LOXL2: variants seen among roughly 807,000 people sequenced by gnomAD.
The protein encoded by LOXL2 is lysyl oxidase like 2.
LOXL2 carries 70 observed loss-of-function variants against 93.0 expected under a neutral mutation model. That is an observed-to-expected ratio of 0.75 (90% CI 0.62 to 0.92). LOXL2 has a LOEUF of 0.92. LOXL2 is among the 40% of genes least tolerant of loss of function. The probability of loss-of-function intolerance (pLI) is 0.00; values close to 1 mark genes in which losing one functional copy is unlikely to be tolerated. For synonymous variants in LOXL2, 438 were observed against 413.2 expected (o/e 1.06, Z -0.73); for missense variants, 973 against 1,054.9 (o/e 0.92, Z 1.08).
chr8:23,388,366 T>C (rs1177682137), intron 1 of LOXL2, among the ~76,000 whole-genome samples: 1 of 152,068 alleles, frequency 6.6e-6, no homozygotes, highest in African/African-American at 2.4e-5. Flanking sequence ...TTGCTTCAGC[T>C]CAGGGGTTTG....
intron 5 of LOXL2, chr8:23,328,820 G>T (rs547867538): frequency 2.2e-6 from 1 of 461,578 alleles, no homozygotes; most frequent in Non-Finnish European, 4.0e-6. Context: ...CAGCCCTCGC[G>T]TGGAGCTTCT....
At chr8:23,361,356 G>A (rs991193212) in intron 2 of LOXL2, among the ~76,000 whole-genome samples, 7 of 152,178 alleles carry the variant, frequency 4.6e-5, no homozygotes, top group Middle Eastern at 3.4e-3. Flanking sequence ...ATTTCCCATC[G>A]CTGGCTCAGA....
chr8:23,355,512 CTT>C lies in LOXL2; in HGVS notation c.531+4576_531+4577del, dbSNP rs58824822. ...CTATCTGTAAAGCAGTTGACATTCA[CTT>C]TTTTTTTTTTTTTTTTTTTTTTTTT... is the stretch of plus-strand genomic sequence containing the variant. On this transcript the variant is annotated intron_variant, in intron 3 of 13. Transcript: ENST00000389131. 6.7e-3 allele frequency among the ~76,000 whole-genome samples: 541 copies of C among 80,236 alleles called. 1 individual carries two copies. Among genetic ancestry groups the C allele is most frequent in the East Asian group, 0.016 (31 of 1,912 alleles). 52.6% of individuals were successfully genotyped at this position (80,236 alleles called of 152,430 possible).
chr8:23,299,992 C>A (rs1469550423), intron 12 of LOXL2, among the ~76,000 whole-genome samples: 5 of 152,214 alleles, frequency 3.3e-5, no homozygotes, highest in African/African-American at 1.2e-4. Flanking sequence ...GAGGTACATG[C>A]CCTGCTCCGG....
intron 12 of LOXL2, among the ~76,000 whole-genome samples, chr8:23,300,683 A>G (rs1010844835): frequency 5.3e-5 from 8 of 152,218 alleles, no homozygotes; most frequent in Non-Finnish European, 8.8e-5. Flanking sequence ...TAAAGAGTTG[A>G]TATGTCTGGG....
chr8:23,391,004 G>A (rs987937276), intron 1 of LOXL2, among the ~76,000 whole-genome samples: 3 of 152,136 alleles, frequency 2.0e-5, no homozygotes, highest in Non-Finnish European at 4.4e-5. Context: ...GAGAATATGA[G>A]AGCCAAGCGA....
chr8:23,328,759 G>GT (rs1803629993), intron 5 of LOXL2, 194 bp from the exon 6 acceptor site: 8 of 564,788 alleles, frequency 1.4e-5, no homozygotes, highest in African/African-American at 3.9e-5. Context: ...TGGGTGTGTT[G>GT]GGGTGTGGGA....
At chr8:23,346,510 G>T (rs1338138851) in intron 3 of LOXL2, among the ~76,000 whole-genome samples, 1 of 152,228 alleles carries the variant, frequency 6.6e-6, no homozygotes, top group African/African-American at 2.4e-5. Flanking sequence ...GAGGAAGGGA[G>T]CTCTGAGCTC....
At chr8:23,354,320 G>C (rs561012038) in intron 3 of LOXL2, among the ~76,000 whole-genome samples, 1 of 152,186 alleles carries the variant, frequency 6.6e-6, no homozygotes, top group Non-Finnish European at 1.5e-5. Context: ...GAAGGGACGC[G>C]GGTGCCCTCA....
intron 1 of LOXL2, among the ~76,000 whole-genome samples, chr8:23,378,728 G>A (rs28824529): frequency 0.09 from 13,619 of 152,102 alleles, 855 homozygotes; most frequent in African/African-American, 0.18. Context: ...CTGGTTGATC[G>A]AAACGGCTAC....
chr8:23,299,717 G>A (rs944233702), intron 12 of LOXL2, among the ~76,000 whole-genome samples: 3 of 152,298 alleles, frequency 2.0e-5, no homozygotes, highest in African/African-American at 4.8e-5. Flanking sequence ...GCCTTCCCTC[G>A]AGGGTCCTGC....
rs1233491311 is a variant in LOXL2, at chr8:23,297,866, A to G, written c.*177T>C. 7 of 578,790 alleles carry G rather than the reference A, an allele frequency of 1.2e-5. No homozygotes were observed. Among genetic ancestry groups the G allele is most frequent in the Non-Finnish European group, 2.1e-5 (7 of 325,812 alleles). 35.9% of individuals were successfully genotyped at this position (578,790 alleles called of 1,614,324 possible). Reference sequence around the variant, plus strand: ...CCCAAGGGTCAGGTAGCAGCCCCCCATGAATGATGGGAGGGTCCCTTTCCT... The same window carrying G: ...CCCAAGGGTCAGGTAGCAGCCCCCCGTGAATGATGGGAGGGTCCCTTTCCT... On this transcript the variant is annotated 3_prime_UTR_variant, in exon 14 of 14. Coordinates refer to ENST00000389131, the MANE Select transcript of LOXL2 (RefSeq NM_002318.3).
intron 3 of LOXL2, among the ~76,000 whole-genome samples, chr8:23,355,660 A>C (rs1434759819): frequency 6.7e-6 from 1 of 148,580 alleles, no homozygotes; most frequent in Non-Finnish European, 1.5e-5. Flanking sequence ...CCCAGGCTGG[A>C]ATGCAGTGGC....
intron 3 of LOXL2, among the ~76,000 whole-genome samples, chr8:23,355,512 CTTTT>C (rs58824822): frequency 5.0e-5 from 4 of 80,320 alleles, no homozygotes; most frequent in Non-Finnish European, 6.8e-5. Context: ...TTGACATTCA[CTTTT>C]TTTTTTTTTT....
chr8:23,311,773 C>T (rs1041351603), intron 9 of LOXL2, among the ~76,000 whole-genome samples: 1 of 152,188 alleles, frequency 6.6e-6, no homozygotes, highest in Non-Finnish European at 1.5e-5. Context: ...CCTAGACTAA[C>T]AAGAGACAGA....
In LOXL2 at chr8:23,322,148, G is replaced by A. The variant is rs756942388; in HGVS notation, c.1284C>T (p.Ala428=). ...CCATCACCTTCTTCTGCAAGCCCAT[G>A]GCAGGGGTGTTGCATCTCACACCAG... ...EDAGVRCNTP[A]MGLQKKLRLN... Residue 428 remains alanine, a synonymous_variant, in exon 7 of 14, where the codon GCC becomes GCT. Coordinates refer to ENST00000389131, the MANE Select transcript of LOXL2 (RefSeq NM_002318.3). The A allele has an allele frequency of 1.2e-6, 2 of 1,614,186 alleles. No individual in the cohort carries two copies. The highest frequency in any genetic ancestry group is 1.3e-5 in the African/African-American group (1 of 75,056).
At chr8:23,354,949 ATTTTTTTTT>A (rs60819350) in intron 3 of LOXL2, among the ~76,000 whole-genome samples, 4,727 of 77,820 alleles carry the variant, frequency 0.061, 273 homozygotes, top group East Asian at 0.19. Flanking sequence ...ATATATATAT[ATTTTTTTTT>A]TTTTTTTTTT....
chr8:23,355,175 C>G (rs528601453), intron 3 of LOXL2, among the ~76,000 whole-genome samples: 1 of 151,684 alleles, frequency 6.6e-6, no homozygotes, highest in Non-Finnish European at 1.5e-5. Flanking sequence ...AAACTCCTGA[C>G]CTCACATGAT....
At chr8:23,353,324 C>A (rs1441525087) in intron 3 of LOXL2, among the ~76,000 whole-genome samples, 1 of 152,230 alleles carries the variant, frequency 6.6e-6, no homozygotes, top group African/African-American at 2.4e-5. Context: ...TAAAAGAGAT[C>A]TGTTCGTTTG....
Sources: allele counts gnomAD v4.1 joint callset (sites outside exome capture counted in the v4.1 genomes callset), GRCh38; gene constraint gnomAD v4.1.1; transcripts MANE v1.5; gene names NCBI Gene and HGNC (gene_info 2026-07-23, HGNC 2026-07-21).